FHOD3: variants seen among roughly 807,000 people sequenced by gnomAD.
FHOD3 encodes the protein FH1/FH2 domain-containing protein 3.
Under a neutral mutation model 173.0 loss-of-function variants are expected in FHOD3, and 90 were observed. That is an observed-to-expected ratio of 0.52 (90% CI 0.44 to 0.62). The LOEUF is 0.62. Among genes scored for constraint, FHOD3 ranks in the 20% least tolerant of loss-of-function variants. FHOD3 has a pLI of 0.00. For missense variants in FHOD3, 1,945 were observed against 2,034.7 expected (o/e 0.96, Z 0.85); for synonymous variants, 828 against 823.0 (o/e 1.01, Z -0.10).
chr18:36,534,029 GGTGATGACCCATCCTGTTTGTGGAC>G, intron 5 of FHOD3, among the ~76,000 whole-genome samples: 1 of 152,148 alleles, frequency 6.6e-6, no homozygotes, highest in Non-Finnish European at 1.5e-5. Context: ...CCCTTAGAGT[GGTGATGACCCATCCTGTTTGTGGAC>G]ACTTCTGACC....
At chr18:36,450,658 T>A (rs1345900972) in intron 3 of FHOD3, among the ~76,000 whole-genome samples, 1 of 151,724 alleles carries the variant, frequency 6.6e-6, no homozygotes. Context: ...CTGGGCATGG[T>A]GGTGCACACC....
intron 2 of FHOD3, among the ~76,000 whole-genome samples, chr18:36,361,643 G>A (rs923831781): frequency 6.8e-6 from 1 of 146,110 alleles, no homozygotes; most frequent in African/African-American, 2.6e-5. Context: ...CCTAGATCAC[G>A]CAACTGTACT....
chr18:36,611,862 A>C, intron 8 of FHOD3, 90 bp from the exon 9 acceptor site: 1 of 1,254,822 alleles, frequency 8.0e-7, no homozygotes, highest in Non-Finnish European at 1.1e-6. Flanking sequence ...GATTATAACA[A>C]TATGCCTGGA....
intron 5 of FHOD3, among the ~76,000 whole-genome samples, chr18:36,518,305 A>G (rs1337785517): frequency 6.6e-6 from 1 of 152,192 alleles, no homozygotes; most frequent in Non-Finnish European, 1.5e-5. Flanking sequence ...TGTCCCATGC[A>G]GCTGGCTTGG....
At chr18:36,384,773 C>A (rs538065302) in intron 3 of FHOD3, among the ~76,000 whole-genome samples, 1 of 152,200 alleles carries the variant, frequency 6.6e-6, no homozygotes, top group Non-Finnish European at 1.5e-5. Flanking sequence ...CCCTTGGAGA[C>A]CTGTTTGTTA....
intron 1 of FHOD3, among the ~76,000 whole-genome samples, chr18:36,321,091 C>A (rs1384548537): frequency 9.1e-6 from 1 of 109,858 alleles, no homozygotes; most frequent in Non-Finnish European, 2.0e-5. Context: ...TTTTTTTTTG[C>A]ATCACTTCAT....
At chr18:36,670,231 T>G (rs559239051) in intron 14 of FHOD3, among the ~76,000 whole-genome samples, 4 of 152,268 alleles carry the variant, frequency 2.6e-5, no homozygotes, top group Admixed American at 6.5e-5. Context: ...TCATGTTTCT[T>G]ACGCTTGGGA....
intron 3 of FHOD3, among the ~76,000 whole-genome samples, chr18:36,437,075 G>C (rs564459911): frequency 6.6e-6 from 1 of 152,232 alleles, no homozygotes; most frequent in South Asian, 2.1e-4. Flanking sequence ...ATTGGTATAT[G>C]ATGTTTTTTC....
chr18:36,584,014 GATGGGGTTTC>G (rs1484461397), intron 6 of FHOD3, among the ~76,000 whole-genome samples: 2 of 152,082 alleles, frequency 1.3e-5, no homozygotes, highest in Non-Finnish European at 2.9e-5. Flanking sequence ...TTTGAATGGA[GATGGGGTTTC>G]ACCATGTTGC....
intron 2 of FHOD3, among the ~76,000 whole-genome samples, chr18:36,357,992 G>A (rs1857193316): frequency 1.6e-5 from 2 of 121,972 alleles, no homozygotes; most frequent in South Asian, 7.0e-4. Context: ...ATCAGCTACT[G>A]TGCCAGGTAC....
Position 36,625,613 on chromosome 18 carries a change from C to T in FHOD3, c.1060C>T (p.His354Tyr). The T allele has an allele frequency of 6.3e-7, 1 of 1,590,262 alleles. No individual in the cohort carries two copies. Among genetic ancestry groups the T allele is most frequent in the Non-Finnish European group, 8.6e-7 (1 of 1,165,112 alleles). Residue 354 changes from histidine to tyrosine, a missense_variant, in exon 10 of 29, where the codon CAC (histidine) becomes TAC (tyrosine). Around this residue, in one of 5 missense-constraint regions of FHOD3, gnomAD observed 1,099 missense variants for 1,051.2 expected, o/e 1.05. Transcript: ENST00000590592. Reference protein sequence around the residue: ...ASVCSSGGGEHRGLDRRRSRR... With the variant: ...ASVCSSGGGEYRGLDRRRSRR... ...CGTGTGTTCCAGTGGCGGAGGCGAG[C>T]ACCGGGGCCTGGACCGCAGAAGGAG...
At chr18:36,505,353 C>T (rs2055249852) in intron 4 of FHOD3, among the ~76,000 whole-genome samples, 1 of 152,166 alleles carries the variant, frequency 6.6e-6, no homozygotes, top group South Asian at 2.1e-4. Flanking sequence ...GAATGATCAC[C>T]ATAGATGACC....
At chr18:36,750,792 A>T (rs1424491489) in intron 24 of FHOD3, among the ~76,000 whole-genome samples, 1 of 152,202 alleles carries the variant, frequency 6.6e-6, no homozygotes, top group Non-Finnish European at 1.5e-5. Context: ...TCAGATGGTC[A>T]TAGGTGTGTG....
At chr18:36,370,690 T>G (rs1157390764) in intron 2 of FHOD3, among the ~76,000 whole-genome samples, 1 of 152,228 alleles carries the variant, frequency 6.6e-6, no homozygotes, top group African/African-American at 2.4e-5. Context: ...TATAGCATGT[T>G]CTTTGTCTGC....
chr18:36,746,891 C>G, intron 23 of FHOD3, 54 bp from the exon 24 acceptor site: 1 of 1,419,450 alleles, frequency 7.0e-7, no homozygotes, highest in Non-Finnish European at 9.5e-7. Context: ...TCTCTCAGTT[C>G]AGGCTGGTGT....
chr18:36,596,321 ATTTTTTTTT>A (rs539907617), intron 7 of FHOD3, among the ~76,000 whole-genome samples: 74 of 57,492 alleles, frequency 1.3e-3, no homozygotes, highest in African/African-American at 4.8e-3. Context: ...TGCCCAGCTA[ATTTTTTTTT>A]TTTTTTTTTT....
At chr18:36,721,951 T>C (rs1341342399) in intron 19 of FHOD3, among the ~76,000 whole-genome samples, 1 of 152,226 alleles carries the variant, frequency 6.6e-6, no homozygotes, top group African/African-American at 2.4e-5. Context: ...GGCATGGCTG[T>C]GACTAAGCCA....
At chr18:36,441,919 C>G (rs2051177578) in intron 3 of FHOD3, among the ~76,000 whole-genome samples, 1 of 152,160 alleles carries the variant, frequency 6.6e-6, no homozygotes, top group African/African-American at 2.4e-5. Context: ...TTAGAAAAGT[C>G]AAGTCAAATT....
chr18:36,323,997 T>A (rs781185521), intron 1 of FHOD3, among the ~76,000 whole-genome samples: 1 of 152,256 alleles, frequency 6.6e-6, no homozygotes, highest in East Asian at 1.9e-4. Flanking sequence ...TCTGTTGATT[T>A]TCCCTGTGAG....
Sources: gnomAD v4.1 joint callset for allele counts (sites outside exome capture counted in the v4.1 genomes callset) on GRCh38, gnomAD v4.1.1 for gene constraint, gnomAD v4.1.1 regional missense constraint, MANE v1.5 for transcripts, NCBI Gene and HGNC (gene_info 2026-07-23, HGNC 2026-07-21) for gene names.